CASR: variants seen among roughly 807,000 people sequenced by gnomAD.
CASR encodes calcium sensing receptor.
In CASR, 23 loss-of-function variants were observed where a neutral mutation model predicts 69.1. The ratio of observed to expected loss-of-function variants is 0.33; its 90% confidence interval spans 0.24 to 0.47. The LOEUF (loss-of-function observed/expected upper bound fraction) is 0.47. Among genes scored for constraint, CASR ranks in the 20% least tolerant of loss-of-function variants. CASR has a pLI of 1.00. For missense variants in CASR, 924 were observed against 1,356.1 expected (o/e 0.68, Z 5.00); for synonymous variants, 541 against 544.7 (o/e 0.99, Z 0.10).
chr3:122,236,266 C>T (rs1422274371), intron 1 of CASR, among the ~76,000 whole-genome samples: 1 of 152,174 alleles, frequency 6.6e-6, no homozygotes, highest in Non-Finnish European at 1.5e-5. Context: ...AGTCTTCCTC[C>T]AGAACAGCTT....
intron 1 of CASR, among the ~76,000 whole-genome samples, chr3:122,216,262 G>T (rs1249581782): frequency 2.6e-5 from 4 of 152,148 alleles, no homozygotes; most frequent in African/African-American, 7.2e-5. Context: ...CTGCACGTTT[G>T]TCCCTTCAGG....
intron 1 of CASR, among the ~76,000 whole-genome samples, chr3:122,239,043 G>T (rs2074356210): frequency 6.6e-6 from 1 of 152,118 alleles, no homozygotes; most frequent in South Asian, 2.1e-4. Flanking sequence ...CTTGAGAAAA[G>T]TAAAGGGGAT....
chr3:122,266,802 A>C (rs1483423310), intron 4 of CASR, among the ~76,000 whole-genome samples: 1 of 152,122 alleles, frequency 6.6e-6, no homozygotes, highest in Non-Finnish European at 1.5e-5. Flanking sequence ...CAGAAGTTCG[A>C]GACCAGCCTG....
chr3:122,239,533 C>T (rs1271905727), intron 1 of CASR, among the ~76,000 whole-genome samples: 1 of 152,244 alleles, frequency 6.6e-6, no homozygotes, highest in Non-Finnish European at 1.5e-5. Context: ...GGCTTCTTCA[C>T]TGCTGATGGC....
At chr3:122,211,361 G>A (rs1426171447) in intron 1 of CASR, among the ~76,000 whole-genome samples, 2 of 152,130 alleles carry the variant, frequency 1.3e-5, no homozygotes, top group Non-Finnish European at 2.9e-5. Context: ...CTGATATCCA[G>A]AATCTACAAG....
chr3:122,194,813 C>T (rs573345366), intron 1 of CASR, among the ~76,000 whole-genome samples: 1 of 152,164 alleles, frequency 6.6e-6, no homozygotes, highest in African/African-American at 2.4e-5. Flanking sequence ...CAAGTATATG[C>T]CAAGAGTCCT....
At chr3:122,203,834 G>T (rs1377792864) in intron 1 of CASR, among the ~76,000 whole-genome samples, 1 of 152,150 alleles carries the variant, frequency 6.6e-6, no homozygotes, top group Non-Finnish European at 1.5e-5. Context: ...AATTTTATGG[G>T]ACCACCATGG....
rs1054892287 is a variant in CASR at position 122,289,922 on chromosome 3, A to T, written c.*4731A>T. The T allele has an allele frequency of 9.7e-4, 2 of 2,066 alleles. No individual in the cohort carries two copies. The highest frequency in any genetic ancestry group is 1.2e-3 in the African/African-American group (2 of 1,696). 0.1% of individuals were successfully genotyped at this position (2,066 alleles called of 1,614,324 possible). ...CAAAACCCCATCTCTACAAACAATA[A>T]AAAAAAAAAACAGCTGGACATGGTG... On this transcript the variant is annotated 3_prime_UTR_variant, in exon 7 of 7. Transcript: ENST00000639785.
intron 5 of CASR, among the ~76,000 whole-genome samples, chr3:122,279,839 T>C (rs1337449322): frequency 1.1e-4 from 17 of 152,212 alleles, no homozygotes; most frequent in Admixed American, 1.0e-3. Context: ...GTGCAGGATG[T>C]GCAGGTTTAT....
At chr3:122,273,767 C>T (rs375485377) in intron 4 of CASR, among the ~76,000 whole-genome samples, 4 of 152,096 alleles carry the variant, frequency 2.6e-5, no homozygotes, top group Non-Finnish European at 5.9e-5. Context: ...AGCAAGGTTT[C>T]GAGCAATGTG....
chr3:122,268,127 C>G (rs954763865), intron 4 of CASR, among the ~76,000 whole-genome samples: 1 of 152,172 alleles, frequency 6.6e-6, no homozygotes, highest in South Asian at 2.1e-4. Flanking sequence ...TGGGCAGTCA[C>G]TTAGTGTCCT....
chr3:122,245,039 T>C (rs540832256), intron 1 of CASR, among the ~76,000 whole-genome samples: 1 of 152,304 alleles, frequency 6.6e-6, no homozygotes, highest in Non-Finnish European at 1.5e-5. Flanking sequence ...CTATGGAGGA[T>C]TGGTTCAGGA....
chr3:122,261,588 CG>C lies in CASR; in HGVS notation c.554del (p.Arg185GlnfsTer72), dbSNP rs193922442. On this transcript the variant is annotated frameshift_variant, in exon 4 of 7. Coordinates refer to ENST00000639785, the MANE Select transcript of CASR (RefSeq NM_000388.4). LOFTEE classifies it high-confidence loss of function. Reference sequence around the variant, plus strand: ...CAAGAATCAATTCAAGTCTTTCCTCCGAACCATCCCCAATGATGAGCACCAG... The same window carrying C: ...CAAGAATCAATTCAAGTCTTTCCTCCAACCATCCCCAATGATGAGCACCAG... ...SNKNQFKSFL[R>X]TIPNDEHQAT... 1 of 1,614,176 alleles carries C rather than the reference CG, an allele frequency of 6.2e-7. No homozygotes were observed. The highest frequency in any genetic ancestry group is 8.5e-7 in the Non-Finnish European group (1 of 1,180,010).
chr3:122,282,326 T>G (rs527382802), intron 6 of CASR, 90 bp downstream of exon 6: 50 of 1,295,860 alleles, frequency 3.9e-5, no homozygotes, highest in Non-Finnish European at 5.5e-5. Context: ...TGGGCTGAGA[T>G]GGTGCTTTGC....
At chr3:122,218,541 C>CAAAAA (rs59428263) in intron 1 of CASR, among the ~76,000 whole-genome samples, 1 of 106,312 alleles carries the variant, frequency 9.4e-6, no homozygotes, top group Non-Finnish European at 1.8e-5. Context: ...GACTCTGTCT[C>CAAAAA]AAAAAAAAAA....
rs2074986037 is a variant in CASR, at chr3:122,288,227, G to C, written c.*3036G>C. ...CACTGGCCTGTACTGCCTTTGCGTA[G>C]GGAAGTGGACATGAGCTGAGGAAGG... On this transcript the variant is annotated 3_prime_UTR_variant, in exon 7 of 7. Coordinates refer to ENST00000639785, the MANE Select transcript of CASR (RefSeq NM_000388.4). 1.3e-5 allele frequency: 2 copies of C among 152,226 alleles called. No individual in the cohort carries two copies. Among genetic ancestry groups the C allele is most frequent in the Admixed American group, 1.3e-4 (2 of 15,286 alleles). The allele number at this position is 152,226 out of a possible 1,614,324, so 9.4% of individuals were successfully genotyped here.
chr3:122,257,017 G>A lies in CASR; in HGVS notation c.186-64G>A, dbSNP rs934189013. 1.5e-4 allele frequency: 213 copies of A among 1,392,438 alleles called. 1 individual carries two copies. The highest frequency in any genetic ancestry group is 2.6e-4 in the South Asian group (22 of 86,150). The allele number at this position is 1,392,438 out of a possible 1,614,324, so 86.3% of individuals were successfully genotyped here. Reference sequence around the variant, plus strand: ...GATGATTCAAACCCAGCTTTGCCAGGTCTTTACTCTAAAGTCGTTGACTAG... The same window carrying A: ...GATGATTCAAACCCAGCTTTGCCAGATCTTTACTCTAAAGTCGTTGACTAG... On this transcript the variant is annotated intron_variant, in intron 2 of 6. Transcript: ENST00000639785.
intron 1 of CASR, among the ~76,000 whole-genome samples, chr3:122,251,629 G>T (rs1438556274): frequency 6.6e-6 from 1 of 152,230 alleles, no homozygotes; most frequent in Non-Finnish European, 1.5e-5. Flanking sequence ...GCAAGTGTGA[G>T]ATCTGAGCAT....
At chr3:122,233,771 G>A (rs974462512) in intron 1 of CASR, among the ~76,000 whole-genome samples, 1 of 152,122 alleles carries the variant, frequency 6.6e-6, no homozygotes, top group East Asian at 1.9e-4. Flanking sequence ...ACCAGCTCCC[G>A]GTGGAACTGA....
Sources: allele counts gnomAD v4.1 joint callset (sites outside exome capture counted in the v4.1 genomes callset), GRCh38; gene constraint gnomAD v4.1.1; transcripts MANE v1.5; gene names NCBI Gene and HGNC (gene_info 2026-07-23, HGNC 2026-07-21).